The following MAMDC2 variants were observed in gnomAD, a reference collection of about 807,000 sequenced individuals.
MAMDC2 encodes the protein MAM domain containing 2.
MAMDC2 carries 57 observed loss-of-function variants against 89.8 expected under a neutral mutation model. The observed-to-expected ratio is 0.63, with a 90% CI of 0.51 to 0.79. MAMDC2 has a LOEUF of 0.79. Among genes scored for constraint, MAMDC2 ranks in the 30% least tolerant of loss-of-function variants. The pLI, the probability that MAMDC2 is intolerant of heterozygous loss-of-function variation, is 0.00. For missense variants in MAMDC2, 800 were observed against 820.6 expected, an observed-to-expected ratio of 0.97 and a Z score of 0.31; for synonymous variants, 313 against 293.4, an observed-to-expected ratio of 1.07 and a Z score of -0.68.
chr9:70,107,869 G>A (rs1563957224), intron 2 of MAMDC2, among the ~76,000 whole-genome samples: 1 of 152,184 alleles, frequency 6.6e-6, no homozygotes, highest in South Asian at 2.1e-4. Flanking sequence ...TGAATGCAAT[G>A]TGCTAAATGG....
At chr9:70,057,412 C>G (rs529295166) in intron 2 of MAMDC2, among the ~76,000 whole-genome samples, 1 of 152,314 alleles carries the variant, frequency 6.6e-6, no homozygotes, top group East Asian at 1.9e-4. Flanking sequence ...TTAAAGCAGA[C>G]AGCTCAGTTG....
At chr9:70,184,195 G>A (rs1200890617) in intron 11 of MAMDC2, among the ~76,000 whole-genome samples, 1 of 152,144 alleles carries the variant, frequency 6.6e-6, no homozygotes. Flanking sequence ...CTTTAAGAAT[G>A]TTGCATATTG....
At chr9:70,135,068 C>T (rs2030953805) in intron 7 of MAMDC2, among the ~76,000 whole-genome samples, 1 of 152,218 alleles carries the variant, frequency 6.6e-6, no homozygotes, top group African/African-American at 2.4e-5. Context: ...CAAACTGCAA[C>T]ACACTCCCGC....
At chr9:70,078,626 G>C (rs993395005) in intron 2 of MAMDC2, among the ~76,000 whole-genome samples, 1 of 152,136 alleles carries the variant, frequency 6.6e-6, no homozygotes, top group Admixed American at 6.6e-5. Context: ...ACCCTGTGTA[G>C]CATGATTAGG....
intron 2 of MAMDC2, chr9:70,082,902 T>C (rs1827684745): frequency 6.6e-6 from 1 of 152,176 alleles, no homozygotes. Context: ...CAATGCCACC[T>C]GCAAGTCAGA....
chr9:70,163,824 C>T (rs1414758499), intron 9 of MAMDC2, among the ~76,000 whole-genome samples: 3 of 151,336 alleles, frequency 2.0e-5, no homozygotes, highest in Non-Finnish European at 4.4e-5. Context: ...TGTGGTGGTG[C>T]ACGCCTGTAG....
chr9:70,110,405 G>A (rs1228816171), intron 4 of MAMDC2, among the ~76,000 whole-genome samples: 1 of 152,202 alleles, frequency 6.6e-6, no homozygotes, highest in Admixed American at 6.5e-5. Flanking sequence ...GAGAGGCGCA[G>A]GGAGGAGGAG....
chr9:70,174,579 A>G (rs1263086711), intron 11 of MAMDC2, among the ~76,000 whole-genome samples: 3 of 152,108 alleles, frequency 2.0e-5, no homozygotes, highest in Non-Finnish European at 4.4e-5. Flanking sequence ...CATAAGTGAA[A>G]GCATGCTCAG....
In MAMDC2 at chr9:70,140,287, A is replaced by G; in HGVS notation, c.1137A>G (p.Leu379=). 6.3e-7 allele frequency: 1 copy of G among 1,595,190 alleles called. No individual in the cohort carries two copies. Among genetic ancestry groups the G allele is most frequent in the East Asian group, 2.3e-5 (1 of 43,498 alleles). The stretch of plus-strand genomic sequence containing the variant: ...GGGCTGGAGACCACACTACAGGCTT[A>G]GGTAAATCAGAGATCTGTCTATGTG... ...MYRAGDHTTG[L]GYYLLANTKF... Residue 379 remains leucine, a splice_region_variant and synonymous_variant, in exon 8 of 14, where the codon TTA becomes TTG. Coordinates refer to ENST00000377182, the MANE Select transcript of MAMDC2 (RefSeq NM_153267.5).
At chr9:70,076,420 CAA>C (rs747236748) in intron 2 of MAMDC2, among the ~76,000 whole-genome samples, 4 of 124,704 alleles carry the variant, frequency 3.2e-5, no homozygotes, top group African/African-American at 6.0e-5. Flanking sequence ...GACTCTGCCT[CAA>C]AAAAAAAAAA....
At chr9:70,213,793 G>C (rs1237067353) in intron 11 of MAMDC2, among the ~76,000 whole-genome samples, 1 of 152,204 alleles carries the variant, frequency 6.6e-6, no homozygotes, top group Non-Finnish European at 1.5e-5. Flanking sequence ...ACTTCAGATA[G>C]TGTAGAACTT....
chr9:70,156,606 A>G (rs949171872), intron 9 of MAMDC2, among the ~76,000 whole-genome samples: 2 of 152,222 alleles, frequency 1.3e-5, no homozygotes, highest in Non-Finnish European at 2.9e-5. Context: ...TGACAAGATA[A>G]TCAACACATT....
chr9:70,075,848 C>G (rs922310868), intron 2 of MAMDC2, among the ~76,000 whole-genome samples: 2 of 152,250 alleles, frequency 1.3e-5, no homozygotes, highest in African/African-American at 4.8e-5. Context: ...TAGTGGCACA[C>G]TGTGCTGCTG....
chr9:70,216,642 GTT>G (rs1198951644), intron 11 of MAMDC2, among the ~76,000 whole-genome samples: 1 of 152,170 alleles, frequency 6.6e-6, no homozygotes, highest in East Asian at 1.9e-4. Flanking sequence ...AGGCAACAAA[GTT>G]GCATGCAAAC....
chr9:70,178,107 A>G (rs1307817289), intron 11 of MAMDC2, among the ~76,000 whole-genome samples: 1 of 152,206 alleles, frequency 6.6e-6, no homozygotes, highest in Non-Finnish European at 1.5e-5. Flanking sequence ...TGTGAGCTCA[A>G]TGTGGCTGAT....
At chr9:70,145,819 G>A (rs1301566030) in intron 9 of MAMDC2, among the ~76,000 whole-genome samples, 1 of 152,072 alleles carries the variant, frequency 6.6e-6, no homozygotes, top group Non-Finnish European at 1.5e-5. Flanking sequence ...ATATAAAAAT[G>A]AATGAGGCTC....
At chr9:70,138,547 C>G (rs1194602061) in intron 7 of MAMDC2, among the ~76,000 whole-genome samples, 5 of 152,180 alleles carry the variant, frequency 3.3e-5, no homozygotes, top group African/African-American at 4.8e-5. Flanking sequence ...GTTCCCTTTT[C>G]TCCACATCCT....
intron 2 of MAMDC2, among the ~76,000 whole-genome samples, chr9:70,069,976 A>C (rs1006278570): frequency 6.6e-5 from 10 of 152,182 alleles, no homozygotes; most frequent in Non-Finnish European, 1.5e-5. Context: ...CTGCTCCAAG[A>C]TCCCACTCAG....
rs1249444025 is a variant in MAMDC2, at chr9:70,131,605, T to G, written c.987T>G (p.Asn329Lys). The G allele has an allele frequency of 2.1e-5, 34 of 1,606,636 alleles. 1 individual carries two copies. Among genetic ancestry groups the G allele is most frequent in the Non-Finnish European group, 2.9e-5 (34 of 1,176,576 alleles). ...CATTCTCTCCTGTTCACTGCCAGAA[T>G]CAGACAGGTGAGCATTCTCTATTTG... is the stretch of plus-strand genomic sequence containing the variant. ...DISFSPVHCQ[N>K]QTELLFSAVE... is the part of the protein sequence containing the mutation. Residue 329 changes from asparagine to lysine, a missense_variant, in exon 7 of 14, where the codon AAT becomes AAG. Physicochemically the swap from Asn to Lys is moderately conservative, Grantham distance 94. Coordinates refer to ENST00000377182, the MANE Select transcript of MAMDC2 (RefSeq NM_153267.5).
Sources: allele counts gnomAD v4.1 joint callset (sites outside exome capture counted in the v4.1 genomes callset), GRCh38; gene constraint gnomAD v4.1.1; transcripts MANE v1.5; gene names NCBI Gene and HGNC (gene_info 2026-07-23, HGNC 2026-07-21).